The following ATRNL1 variants were observed in gnomAD, a reference collection of about 807,000 sequenced individuals.
ATRNL1 encodes the protein attractin like 1, also known as attractin-like protein 1.
ATRNL1 carries 95 observed loss-of-function variants against 182.7 expected under a neutral mutation model. That is an observed-to-expected ratio of 0.52 (90% CI 0.44 to 0.62). ATRNL1 has a LOEUF of 0.62. ATRNL1 is among the 20% of genes least tolerant of loss of function. ATRNL1 has a pLI of 0.00. For synonymous variants in ATRNL1, 576 were observed against 568.3 expected, an observed-to-expected ratio of 1.01 and a Z score of -0.19; for missense variants, 1,471 against 1,679.5, an observed-to-expected ratio of 0.88 and a Z score of 2.17.
chr10:115,154,862 C>G (rs1317940237), intron 5 of ATRNL1, among the ~76,000 whole-genome samples: 1 of 152,160 alleles, frequency 6.6e-6, no homozygotes, highest in African/African-American at 2.4e-5. Flanking sequence ...AAGACAGGCA[C>G]TCTTAGACTG....
intron 24 of ATRNL1, among the ~76,000 whole-genome samples, chr10:115,487,977 G>A (rs1042493711): frequency 3.3e-5 from 5 of 152,178 alleles, no homozygotes; most frequent in African/African-American, 9.7e-5. Context: ...CATCTATTGA[G>A]ATAATCGTGT....
intron 19 of ATRNL1, among the ~76,000 whole-genome samples, chr10:115,365,914 A>G (rs569271259): frequency 6.6e-6 from 1 of 152,048 alleles, no homozygotes; most frequent in Non-Finnish European, 1.5e-5. Flanking sequence ...GTTCTTTTAC[A>G]TTTGCTGAGG....
At position 115,562,965 on chromosome 10, in the gene ATRNL1, A is replaced by G. The variant is rs917461214; in HGVS notation, c.3795+13429A>G. Among the ~76,000 whole-genome samples, 4 of 152,204 alleles carry G rather than the reference A, an allele frequency of 2.6e-5. No homozygotes were observed. In the East Asian group the frequency reaches 7.7e-4, roughly 29 times the overall value. On this transcript the variant is annotated intron_variant, in intron 26 of 28. Coordinates refer to ENST00000355044, the MANE Select transcript of ATRNL1 (RefSeq NM_207303.4). ...GCAGAAACATTTTTGAAAAAGAACA[A>G]ATTTACAGTTCCTGAATTCAAACTT...
chr10:115,631,069 G>T (rs1188031397), intron 26 of ATRNL1, among the ~76,000 whole-genome samples: 1 of 151,716 alleles, frequency 6.6e-6, no homozygotes, highest in Non-Finnish European at 1.5e-5. Flanking sequence ...GGGGAGGGGG[G>T]TGTGTACGGG....
At chr10:115,730,635 A>G (rs1947768690) in intron 27 of ATRNL1, among the ~76,000 whole-genome samples, 1 of 152,010 alleles carries the variant, frequency 6.6e-6, no homozygotes, top group Admixed American at 6.6e-5. Flanking sequence ...CTAGATCGGC[A>G]GTTGAGGCGG....
chr10:115,740,624 G>A (rs962271476), intron 27 of ATRNL1, among the ~76,000 whole-genome samples: 7 of 152,158 alleles, frequency 4.6e-5, no homozygotes, highest in South Asian at 4.1e-4. Context: ...TTCTGCCTCC[G>A]CCTCTTGAGT....
At chr10:115,622,764 A>G (rs1260442536) in intron 26 of ATRNL1, among the ~76,000 whole-genome samples, 1 of 152,098 alleles carries the variant, frequency 6.6e-6, no homozygotes, top group Non-Finnish European at 1.5e-5. Flanking sequence ...CGTCTCTACT[A>G]AAAATACAAA....
At chr10:115,437,547 T>TA (rs1846459277) in intron 21 of ATRNL1, among the ~76,000 whole-genome samples, 2 of 151,978 alleles carry the variant, frequency 1.3e-5, no homozygotes, top group African/African-American at 4.8e-5. Context: ...TTTTTATCAT[T>TA]TACTAAACAA....
chr10:115,638,415 A>C (rs916324411), intron 26 of ATRNL1, among the ~76,000 whole-genome samples: 9 of 152,202 alleles, frequency 5.9e-5, no homozygotes, highest in African/African-American at 1.9e-4. Flanking sequence ...ATTAATATGT[A>C]TAGTAAGCTT....
intron 24 of ATRNL1, among the ~76,000 whole-genome samples, chr10:115,497,588 T>C (rs1849610204): frequency 6.6e-6 from 1 of 152,204 alleles, no homozygotes; most frequent in Non-Finnish European, 1.5e-5. Context: ...CTTCTCTCCA[T>C]GAAAGTGGTG....
chr10:115,311,434 ACCTT>A (rs1854019673), intron 17 of ATRNL1, among the ~76,000 whole-genome samples: 2 of 151,740 alleles, frequency 1.3e-5, no homozygotes, highest in Non-Finnish European at 2.9e-5. Context: ...TGATCCACCC[ACCTT>A]GTCCTCCCAA....
At chr10:115,501,620 C>T (rs1373163895) in intron 24 of ATRNL1, among the ~76,000 whole-genome samples, 1 of 152,030 alleles carries the variant, frequency 6.6e-6, no homozygotes, top group Non-Finnish European at 1.5e-5. Context: ...AGAATACTAA[C>T]AAGTAGTTTT....
intron 24 of ATRNL1, among the ~76,000 whole-genome samples, chr10:115,473,783 A>G (rs1009786171): frequency 2.4e-4 from 37 of 151,284 alleles, no homozygotes; most frequent in African/African-American, 8.5e-4. Flanking sequence ...TTCTATTTTC[A>G]CATGATTCAG....
chr10:115,446,908 G>T (rs901246635), intron 21 of ATRNL1, among the ~76,000 whole-genome samples: 2 of 151,876 alleles, frequency 1.3e-5, no homozygotes, highest in Admixed American at 6.6e-5. Context: ...AAGGTGGTTT[G>T]CTGATTGTTC....
intron 28 of ATRNL1, among the ~76,000 whole-genome samples, chr10:115,884,300 G>A (rs890032566): frequency 6.6e-6 from 1 of 152,234 alleles, no homozygotes; most frequent in African/African-American, 2.4e-5. Context: ...TTAACTCTAG[G>A]AAGGTTTGAA....
chr10:115,640,891 T>G (rs1365715914), intron 26 of ATRNL1, among the ~76,000 whole-genome samples: 1 of 152,204 alleles, frequency 6.6e-6, no homozygotes, highest in Admixed American at 6.5e-5. Context: ...CTTCTAGAGT[T>G]TTTATGGTTT....
intron 19 of ATRNL1, among the ~76,000 whole-genome samples, chr10:115,372,759 G>A (rs11197189): frequency 0.28 from 42,540 of 151,924 alleles, 7,632 homozygotes; most frequent in Middle Eastern, 0.44. Flanking sequence ...GTATCATGGT[G>A]TTCTGATTAC....
At chr10:115,844,277 G>A (rs1950878961) in intron 27 of ATRNL1, among the ~76,000 whole-genome samples, 3 of 151,980 alleles carry the variant, frequency 2.0e-5, no homozygotes, top group African/African-American at 4.8e-5. Flanking sequence ...TCTAGTGATG[G>A]GTCTCAGTGT....
chr10:115,738,176 T>A (rs1948030844), intron 27 of ATRNL1, among the ~76,000 whole-genome samples: 1 of 119,926 alleles, frequency 8.3e-6, no homozygotes, highest in Non-Finnish European at 1.7e-5. Flanking sequence ...TCCTGCTCTG[T>A]CGCCCAGGCT....
Sources: allele counts gnomAD v4.1 joint callset (sites outside exome capture counted in the v4.1 genomes callset), GRCh38; gene constraint gnomAD v4.1.1; transcripts MANE v1.5; gene names NCBI Gene and HGNC (gene_info 2026-07-23, HGNC 2026-07-21).